CBFA2T3: variants seen among roughly 807,000 people sequenced by gnomAD.
The protein encoded by CBFA2T3 is CBFA2/RUNX1 partner transcriptional co-repressor 3, also known as transcriptional corepressor CBFA2T3.
Under a neutral mutation model 58.6 loss-of-function variants are expected in CBFA2T3, and 31 were observed. That is an observed-to-expected ratio of 0.53 (90% CI 0.40 to 0.71). CBFA2T3 has a LOEUF of 0.71. Among genes scored for constraint, CBFA2T3 ranks in the 30% least tolerant of loss-of-function variants. The pLI is 0.00. For missense variants in CBFA2T3, 1,076 were observed against 963.1 expected (o/e 1.12, Z -1.55); for synonymous variants, 531 against 421.9 (o/e 1.26, Z -3.17).
intron 1 of CBFA2T3, among the ~76,000 whole-genome samples, chr16:88,931,854 G>C (rs1198748282): frequency 6.6e-6 from 1 of 152,142 alleles, no homozygotes; most frequent in African/African-American, 2.4e-5. Flanking sequence ...AGGGGTCACA[G>C]TGCAGAGGGG....
rs1597788661 is a variant in CBFA2T3, at chr16:88,956,128, A to G, written c.151+20529T>C. 2.6e-5 allele frequency among the ~76,000 whole-genome samples: 4 copies of G among 152,386 alleles called. No individual in the cohort carries two copies. In the South Asian group the frequency reaches 8.3e-4, roughly 32 times the overall value. ...TGGGAAAGACTCAAAGGCTTTGGGA[A>G]AGACTCCATGTCAGTTGTCTGCCAG... is the stretch of plus-strand genomic sequence containing the variant. On this transcript the variant is annotated intron_variant, in intron 1 of 11. Coordinates refer to ENST00000268679, the MANE Select transcript of CBFA2T3 (RefSeq NM_005187.6).
chr16:88,921,466 T>C (rs1970917338), intron 1 of CBFA2T3, among the ~76,000 whole-genome samples: 1 of 152,252 alleles, frequency 6.6e-6, no homozygotes, highest in African/African-American at 2.4e-5. Context: ...CCAGCCGGGA[T>C]TTCCCGATCC....
intron 11 of CBFA2T3, 138 bp from the exon 12 acceptor site, chr16:88,877,413 G>A (rs974689567): frequency 1.0e-5 from 7 of 698,836 alleles, no homozygotes; most frequent in Admixed American, 6.0e-5. Context: ...CACAGCCCTC[G>A]GGCCATGCTC....
chr16:88,913,537 C>T (rs1303594381), intron 1 of CBFA2T3, among the ~76,000 whole-genome samples: 1 of 152,188 alleles, frequency 6.6e-6, no homozygotes, highest in Non-Finnish European at 1.5e-5. Context: ...GAGAGGGAGG[C>T]TGGGAAGCTG....
At chr16:88,947,589 T>A (rs1971935969) in intron 1 of CBFA2T3, among the ~76,000 whole-genome samples, 1 of 152,250 alleles carries the variant, frequency 6.6e-6, no homozygotes, top group Non-Finnish European at 1.5e-5. Flanking sequence ...ACAAACAATG[T>A]GAATGTATTA....
intron 1 of CBFA2T3, among the ~76,000 whole-genome samples, chr16:88,974,103 G>A (rs1016890151): frequency 6.6e-6 from 1 of 152,208 alleles, no homozygotes; most frequent in Admixed American, 6.5e-5. Flanking sequence ...CTTGCCAGGT[G>A]GATTTCAAAA....
chr16:88,914,562 G>A (rs1211038171), intron 1 of CBFA2T3, among the ~76,000 whole-genome samples: 2 of 152,346 alleles, frequency 1.3e-5, no homozygotes, highest in Admixed American at 6.5e-5. Flanking sequence ...GGACGCTGTC[G>A]CAGCCATCAC....
chr16:88,921,062 C>T (rs1970899423), intron 1 of CBFA2T3, among the ~76,000 whole-genome samples: 2 of 152,372 alleles, frequency 1.3e-5, no homozygotes, highest in African/African-American at 2.4e-5. Flanking sequence ...TGCTCCGCCC[C>T]CACCCTGGGC....
chr16:88,916,458 GGGTGTA>G (rs1357160841), intron 1 of CBFA2T3, among the ~76,000 whole-genome samples: 3 of 152,238 alleles, frequency 2.0e-5, no homozygotes, highest in African/African-American at 7.2e-5. Context: ...GTGCACATGT[GGGTGTA>G]TGTGTGCGTG....
rs1200563816 is a variant in CBFA2T3 at position 88,885,779 on chromosome 16, G to A, written c.893+182C>T. Reference sequence around the variant, plus strand: ...ATCTGAGTCTGCAGCCCACTGGGGTGTCCGCCCGTGCAGCCACCAAGCCTG... The same window carrying A: ...ATCTGAGTCTGCAGCCCACTGGGGTATCCGCCCGTGCAGCCACCAAGCCTG... On this transcript the variant is annotated intron_variant, in intron 6 of 11. Coordinates refer to ENST00000268679, the MANE Select transcript of CBFA2T3 (RefSeq NM_005187.6). The surrounding 1 kb of genome is among the most constrained non-coding windows in gnomAD (Gnocchi z 5.3). 2.7e-5 allele frequency: 16 copies of A among 599,262 alleles called. No homozygotes were observed. The highest frequency in any genetic ancestry group is 3.2e-5 in the Non-Finnish European group (11 of 338,954). The allele number at this position is 599,262 out of a possible 1,614,324, so 37.1% of individuals were successfully genotyped here. A position where few individuals can be genotyped will look rare whatever the true frequency, so the allele number is the denominator to read the frequency against.
rs371303293 is a variant in CBFA2T3, at chr16:88,880,803, G to A, written c.1403-15C>T. On this transcript the variant is annotated splice_polypyrimidine_tract_variant and intron_variant, in intron 9 of 11. Coordinates refer to ENST00000268679, the MANE Select transcript of CBFA2T3 (RefSeq NM_005187.6). Reference sequence around the variant, plus strand: ...GCGAGGCACGTCTGAAACAGGGGCCGGCGTCACACAGGATGGGCCACGCGG... The same window carrying A: ...GCGAGGCACGTCTGAAACAGGGGCCAGCGTCACACAGGATGGGCCACGCGG... 37 of 1,572,796 alleles carry A rather than the reference G, an allele frequency of 2.4e-5. No individual in the cohort carries two copies. The African/African-American group carries it at 4.0e-4, about 17-fold the overall frequency.
At chr16:88,932,866 G>T (rs1971361106) in intron 1 of CBFA2T3, among the ~76,000 whole-genome samples, 1 of 150,700 alleles carries the variant, frequency 6.6e-6, no homozygotes, top group African/African-American at 2.4e-5. Context: ...CTACTCAGGA[G>T]GCTGACGCAG....
Position 88,958,534 on chromosome 16 carries a change from G to A in CBFA2T3, c.151+18123C>T, listed in dbSNP as rs770088215. On this transcript the variant is annotated intron_variant, in intron 1 of 11. Transcript: ENST00000268679. This position sits in a 1 kb window ranked among gnomAD's most constrained non-coding sequence, Gnocchi z 4.0. ...TGCCCCACATCCCTGGGCATCACAC[G>A]CGTGTCGTCTGGAGCAGAAGCTGGT... 2.6e-4 allele frequency among the ~76,000 whole-genome samples: 39 copies of A among 152,214 alleles called. No individual in the cohort carries two copies. The highest frequency in any genetic ancestry group is 8.5e-4 in the Admixed American group (13 of 15,284).
At position 88,881,272 on chromosome 16, in the gene CBFA2T3, C is replaced by T. The variant is rs767770896; in HGVS notation, c.1402+19G>A. 6.3e-7 allele frequency: 1 copy of T among 1,593,540 alleles called. No individual in the cohort carries two copies. Among genetic ancestry groups the T allele is most frequent in the Non-Finnish European group, 8.5e-7 (1 of 1,171,520 alleles). On this transcript the variant is annotated intron_variant, in intron 9 of 11. Coordinates refer to ENST00000268679, the MANE Select transcript of CBFA2T3 (RefSeq NM_005187.6). ...AGAGCACCCCGTGTCTGCTCCCTCC[C>T]CCCACACCCCACACGCACCTAGCTG...
intron 1 of CBFA2T3, among the ~76,000 whole-genome samples, chr16:88,905,332 A>AAC (rs1435151248): frequency 8.7e-5 from 13 of 149,312 alleles, no homozygotes; most frequent in African/African-American, 3.3e-4. Context: ...GCCATGCACG[A>AAC]CCCCCCACCG....
rs544224565 is a variant in CBFA2T3, at chr16:88,973,444, G to A, written c.151+3213C>T. On this transcript the variant is annotated intron_variant, in intron 1 of 11. Coordinates refer to ENST00000268679, the MANE Select transcript of CBFA2T3 (RefSeq NM_005187.6). ...TCGGACTTCCAGCCTGCGGCACTGT[G>A]AGAACAGAAGCCTCTGTTGTTCTGA... Among the ~76,000 whole-genome samples the A allele has an allele frequency of 3.3e-5, 5 of 152,312 alleles. No individual in the cohort carries two copies. In the Middle Eastern group the frequency reaches 0.01, roughly 311 times the overall value.
At chr16:88,973,690 C>T (rs893691830) in intron 1 of CBFA2T3, among the ~76,000 whole-genome samples, 1 of 152,180 alleles carries the variant, frequency 6.6e-6, no homozygotes, top group Non-Finnish European at 1.5e-5. Flanking sequence ...GCCTGGATGG[C>T]CACTTGAGGG....
intron 1 of CBFA2T3, chr16:88,936,804 G>C (rs755178923): frequency 6.6e-6 from 1 of 152,276 alleles, no homozygotes; most frequent in Non-Finnish European, 1.5e-5. Flanking sequence ...ATTGCCACAG[G>C]AAACTCATTG....
At chr16:88,906,952 G>A (rs76620267) in intron 1 of CBFA2T3, among the ~76,000 whole-genome samples, 2 of 152,316 alleles carry the variant, frequency 1.3e-5, no homozygotes, top group South Asian at 4.1e-4. Context: ...ACGCTGGCTC[G>A]TACTGGAGGC....
Sources: allele counts gnomAD v4.1 joint callset (sites outside exome capture counted in the v4.1 genomes callset), GRCh38; gene constraint gnomAD v4.1.1; non-coding constraint Gnocchi (gnomAD v3.1); transcripts MANE v1.5; gene names NCBI Gene and HGNC (gene_info 2026-07-23, HGNC 2026-07-21).